The following C4orf50 variants were observed in gnomAD, a reference collection of about 807,000 sequenced individuals.
C4orf50 encodes chromosome 4 open reading frame 50.
A neutral mutation model predicts 77.2 loss-of-function variants in C4orf50; 80 were observed. The observed-to-expected ratio is 1.04, with a 90% CI of 0.87 to 1.25. The LOEUF (loss-of-function observed/expected upper bound fraction) is 1.25. C4orf50 is among the 50% of genes most tolerant of loss of function. The pLI is 0.00. For missense variants in C4orf50, 1,257 were observed against 1,152.9 expected, an observed-to-expected ratio of 1.09 and a Z score of -1.31; for synonymous variants, 532 against 465.3, an observed-to-expected ratio of 1.14 and a Z score of -1.84.
intron 25 of C4orf50, among the ~76,000 whole-genome samples, chr4:6,004,411 T>TGATGGTAA (rs1372545346): frequency 7.8e-5 from 1 of 12,844 alleles, no homozygotes; most frequent in Non-Finnish European, 1.9e-4. Flanking sequence ...GATGGAGATG[T>TGATGGTAA]TGGTGATGAT....
chr4:5,965,411 G>T (rs1719511832), intron 32 of C4orf50, among the ~76,000 whole-genome samples: 1 of 152,252 alleles, frequency 6.6e-6, no homozygotes, highest in Non-Finnish European at 1.5e-5. Flanking sequence ...CTGGCTGCAA[G>T]CTCATTCCAT....
rs564492137 is a variant in C4orf50 at position 5,958,190 on chromosome 4, G to A, written c.*1185C>T. On this transcript the variant is annotated 3_prime_UTR_variant, in exon 34 of 34. Transcript: ENST00000531445. The surrounding 1 kb of genome is among the most constrained non-coding windows in gnomAD (Gnocchi z 5.4). Reference sequence around the variant, plus strand: ...CCTGGGTCAGGGTCTGGTGTGTGTCGTCCAAGCCCCCTAGACTCTCTTTTT... The same window carrying A: ...CCTGGGTCAGGGTCTGGTGTGTGTCATCCAAGCCCCCTAGACTCTCTTTTT... 128 of 152,184 alleles carry A rather than the reference G, an allele frequency of 8.4e-4. No homozygotes were observed. The highest frequency in any genetic ancestry group is 2.8e-3 in the African/African-American group (117 of 41,526). The allele number at this position is 152,184 out of a possible 1,614,324, so 9.4% of individuals were successfully genotyped here. A position where few individuals can be genotyped will look rare whatever the true frequency, so the allele number is the denominator to read the frequency against.
intron 25 of C4orf50, among the ~76,000 whole-genome samples, chr4:6,004,162 TAG>T (rs1722059742): frequency 1.1e-5 from 1 of 88,310 alleles, no homozygotes; most frequent in African/African-American, 5.4e-5. Flanking sequence ...ATGGTGATGA[TAG>T]TGATGATGGT....
intron 31 of C4orf50, among the ~76,000 whole-genome samples, chr4:5,973,210 G>A (rs1720035062): frequency 6.6e-6 from 1 of 152,172 alleles, no homozygotes; most frequent in South Asian, 2.1e-4. Flanking sequence ...AGAGGAAGCT[G>A]TGGCTAACTC....
exon 28 of C4orf50, chr4:5,988,908 C>T (rs1721073807): frequency 6.5e-7 from 1 of 1,536,024 alleles, no homozygotes; most frequent in East Asian, 2.4e-5. Flanking sequence ...TGACTTGCTC[C>T]ATCGTGTCTT....
At chr4:5,967,017 C>A (rs893729705) in intron 32 of C4orf50, among the ~76,000 whole-genome samples, 4 of 152,172 alleles carry the variant, frequency 2.6e-5, no homozygotes, top group African/African-American at 9.6e-5. Context: ...TTTCTCAGAA[C>A]CATTTTAATG....
At chr4:5,991,165 C>A (rs975948913) in intron 27 of C4orf50, among the ~76,000 whole-genome samples, 1 of 152,200 alleles carries the variant, frequency 6.6e-6, no homozygotes, top group East Asian at 1.9e-4. Flanking sequence ...CCCTCCATGC[C>A]CTCACACCAT....
At chr4:5,997,890 C>T (rs1721665998) in intron 25 of C4orf50, among the ~76,000 whole-genome samples, 1 of 152,162 alleles carries the variant, frequency 6.6e-6, no homozygotes. Flanking sequence ...ATATTCTCTG[C>T]TATAAGGGAG....
chr4:6,010,753 T>C (rs1722462571), intron 24 of C4orf50, among the ~76,000 whole-genome samples: 1 of 152,224 alleles, frequency 6.6e-6, no homozygotes, highest in African/African-American at 2.4e-5. Context: ...TGAAGTTTTG[T>C]GGGTTTTGCC....
intron 7 of C4orf50, among the ~76,000 whole-genome samples, chr4:5,931,635 C>T (rs969857717): frequency 6.6e-6 from 1 of 152,162 alleles, no homozygotes. Context: ...TGTCCTTCCA[C>T]ACACTAGCCA....
exon 28 of C4orf50, chr4:5,989,106 G>T (rs1721091531): frequency 6.5e-7 from 1 of 1,535,988 alleles, no homozygotes. Flanking sequence ...CTACCAGCCT[G>T]TGGTTATCCC....
chr4:5,907,720 G>A (rs934643603), intron 7 of C4orf50, among the ~76,000 whole-genome samples: 8 of 152,190 alleles, frequency 5.3e-5, no homozygotes, highest in African/African-American at 1.4e-4. Flanking sequence ...TTCTGAGAAG[G>A]TGACATTTGA....
At chr4:5,965,169 A>G in intron 32 of C4orf50, 24 bp from the exon 11 acceptor site, 1 of 1,609,524 alleles carries the variant, frequency 6.2e-7, no homozygotes, top group South Asian at 1.1e-5. Context: ...TTCTCAGTCA[A>G]GCCTCCACCC....
At chr4:5,972,330 C>G (rs1364408024) in intron 31 of C4orf50, among the ~76,000 whole-genome samples, 1 of 152,114 alleles carries the variant, frequency 6.6e-6, no homozygotes, top group Non-Finnish European at 1.5e-5. Context: ...CACTTAACCC[C>G]CAGATATCAG....
Position 5,991,762 on chromosome 4 carries a change from G to T in C4orf50, c.1222-938C>A, listed in dbSNP as rs559789040. 1.9e-3 allele frequency among the ~76,000 whole-genome samples: 290 copies of T among 152,260 alleles called. 1 individual carries two copies. The highest frequency in any genetic ancestry group is 0.01 in the Middle Eastern group (3 of 294). On this transcript the variant is annotated intron_variant, in intron 27 of 33. Transcript: ENST00000531445. ...GGGAGCATCTCAAAGGACAGAGGGGGTCTGAGCCTTTGGAGGGTGACATAC... is the reference window on the plus strand; with the variant it reads ...GGGAGCATCTCAAAGGACAGAGGGGTTCTGAGCCTTTGGAGGGTGACATAC...
intron 28 of C4orf50, among the ~76,000 whole-genome samples, chr4:5,986,686 ATGC>A (rs1434663469): frequency 6.6e-6 from 1 of 151,832 alleles, no homozygotes; most frequent in East Asian, 1.9e-4. Flanking sequence ...CTACAGGTGC[ATGC>A]CACCACACCC....
chr4:5,921,979 G>GA (rs1560542660), intron 7 of C4orf50, among the ~76,000 whole-genome samples: 1 of 152,110 alleles, frequency 6.6e-6, no homozygotes. Flanking sequence ...AAAAGCCCCC[G>GA]AAGGAACCTA....
At chr4:5,910,208 A>G (rs990499616) in intron 7 of C4orf50, among the ~76,000 whole-genome samples, 33 of 152,324 alleles carry the variant, frequency 2.2e-4, no homozygotes, top group African/African-American at 6.0e-4. Flanking sequence ...AAAAACCCCA[A>G]GAGAAACTGT....
At chr4:5,959,439 T>A (rs1335419324) in exon 34 of C4orf50, 1 of 1,614,082 alleles carries the variant, frequency 6.2e-7, no homozygotes, top group Admixed American at 1.7e-5. Context: ...TTGTCTAAGC[T>A]CTTGGTGAAA....
Sources: allele counts gnomAD v4.1 joint callset (sites outside exome capture counted in the v4.1 genomes callset), GRCh38; gene constraint gnomAD v4.1.1; non-coding constraint Gnocchi (gnomAD v3.1); transcripts MANE v1.5; gene names NCBI Gene and HGNC (gene_info 2026-07-23, HGNC 2026-07-21).